Variants in AFG2A observed in about 807,000 individuals in gnomAD.
AFG2A encodes AAA ATPase AFG2A.
At chr4:122,960,962 A>G in the AFG2A span, among the ~76,000 whole-genome samples, 7 of 152,210 alleles carry the variant, frequency 4.6e-5, no homozygotes, top group Non-Finnish European at 1.0e-4. Context: ...TAGAAATTTG[A>G]TATTTTAAAA....
chr4:123,200,308 A>G, the AFG2A span, among the ~76,000 whole-genome samples: 19 of 152,356 alleles, frequency 1.2e-4, no homozygotes, highest in East Asian at 3.5e-3. Context: ...TTCTACTGCA[A>G]TTATTTCATA....
At chr4:123,162,777 G>A in the AFG2A span, among the ~76,000 whole-genome samples, 2 of 152,226 alleles carry the variant, frequency 1.3e-5, no homozygotes, top group South Asian at 4.2e-4. Flanking sequence ...TTTGAAACCA[G>A]CTCTGCTACT....
the AFG2A span, among the ~76,000 whole-genome samples, chr4:122,955,901 G>T: frequency 6.6e-6 from 1 of 152,260 alleles, no homozygotes; most frequent in East Asian, 1.9e-4. Flanking sequence ...GGGCCTGGTC[G>T]TAGAAATGGA....
At chr4:123,033,365 A>G in the AFG2A span, among the ~76,000 whole-genome samples, 1 of 152,206 alleles carries the variant, frequency 6.6e-6, no homozygotes, top group East Asian at 1.9e-4. Context: ...TTAAAAAAAT[A>G]GAACTAGTGT....
chr4:123,241,400 C>T, the AFG2A span, among the ~76,000 whole-genome samples: 7 of 151,492 alleles, frequency 4.6e-5, no homozygotes, highest in African/African-American at 7.4e-5. Flanking sequence ...ACTGGCAAAC[C>T]GAATCCAGCA....
chr4:123,009,299 T>G, the AFG2A span, among the ~76,000 whole-genome samples: 1 of 152,178 alleles, frequency 6.6e-6, no homozygotes, highest in African/African-American at 2.4e-5. Context: ...GTCACGTTGG[T>G]ATACTACAGT....
the AFG2A span, among the ~76,000 whole-genome samples, chr4:123,017,414 A>ATTTTTTTTTTTTTTTTTTTTT: frequency 6.7e-5 from 5 of 74,732 alleles, no homozygotes; most frequent in Non-Finnish European, 1.1e-4. Flanking sequence ...AGCATGGGAA[A>ATTTTTTTTTTTTTTTTTTTTT]TTTTTTTTTT....
the AFG2A span, among the ~76,000 whole-genome samples, chr4:122,938,684 A>C: frequency 6.6e-6 from 1 of 152,122 alleles, no homozygotes; most frequent in Non-Finnish European, 1.5e-5. Flanking sequence ...TCCACCTTCC[A>C]GGTTCAAGCG....
At chr4:123,234,030 G>A in the AFG2A span, among the ~76,000 whole-genome samples, 3 of 151,984 alleles carry the variant, frequency 2.0e-5, no homozygotes, top group Non-Finnish European at 4.4e-5. Flanking sequence ...TAAAAGAGGG[G>A]AAAATAAGCA....
chr4:123,009,318 G>A, the AFG2A span, among the ~76,000 whole-genome samples: 2 of 152,190 alleles, frequency 1.3e-5, no homozygotes, highest in African/African-American at 4.8e-5. Context: ...GTGCTGGCGT[G>A]ACTGACCTCA....
chr4:123,221,145 G>A, the AFG2A span, among the ~76,000 whole-genome samples: 6 of 152,084 alleles, frequency 3.9e-5, no homozygotes, highest in Admixed American at 2.0e-4. Context: ...ATGGAGATGT[G>A]AGTTTTTTGT....
the AFG2A span, among the ~76,000 whole-genome samples, chr4:123,162,677 T>G: frequency 6.6e-6 from 1 of 152,260 alleles, no homozygotes; most frequent in East Asian, 1.9e-4. Context: ...ATCTCTTTAT[T>G]AAAATGAATA....
chr4:123,190,706 G>A, the AFG2A span, among the ~76,000 whole-genome samples: 35 of 152,298 alleles, frequency 2.3e-4, no homozygotes, highest in South Asian at 3.7e-3. Flanking sequence ...AGGTTTATCA[G>A]AATTATGACT....
chr4:122,970,927 G>A, the AFG2A span, among the ~76,000 whole-genome samples: 7 of 152,062 alleles, frequency 4.6e-5, no homozygotes, highest in African/African-American at 1.7e-4. Flanking sequence ...TCTGCCTCCC[G>A]GGTTCAAGCA....
chr4:123,199,220 G>T, the AFG2A span, among the ~76,000 whole-genome samples: 1 of 151,876 alleles, frequency 6.6e-6, no homozygotes, highest in African/African-American at 2.4e-5. Flanking sequence ...ATAGTCATAG[G>T]CATAGACATA....
the AFG2A span, among the ~76,000 whole-genome samples, chr4:122,981,275 G>C: frequency 6.6e-6 from 1 of 152,144 alleles, no homozygotes; most frequent in African/African-American, 2.4e-5. Flanking sequence ...TTTTTAAAGA[G>C]ATTGTGCTTT....
chr4:123,213,750 C>T, the AFG2A span, among the ~76,000 whole-genome samples: 1 of 152,182 alleles, frequency 6.6e-6, no homozygotes, highest in South Asian at 2.1e-4. Flanking sequence ...TAAAGTTAAA[C>T]CATTTCAGTG....
chr4:123,117,398 T>C, the AFG2A span, among the ~76,000 whole-genome samples: 1 of 150,988 alleles, frequency 6.6e-6, no homozygotes, highest in Non-Finnish European at 1.5e-5. Context: ...GTGTTTACAT[T>C]GCTTTCCAGA....
chr4:123,196,511 C>G, the AFG2A span, among the ~76,000 whole-genome samples: 1 of 152,078 alleles, frequency 6.6e-6, no homozygotes, highest in African/African-American at 2.4e-5. Flanking sequence ...CATAGTTTTT[C>G]TGAGCATTTC....
Sources: allele counts gnomAD v4.1 joint callset (sites outside exome capture counted in the v4.1 genomes callset), GRCh38; gene constraint gnomAD v4.1.1; transcripts MANE v1.5; gene names NCBI Gene and HGNC (gene_info 2026-07-23, HGNC 2026-07-21).